MARF1: variants seen among roughly 807,000 people sequenced by gnomAD.
The protein encoded by MARF1 is meiosis regulator and mRNA stability factor 1, also known as limkain-b1.
MARF1 carries 24 observed loss-of-function variants against 168.2 expected under a neutral mutation model. The ratio of observed to expected loss-of-function variants is 0.14; its 90% CI spans 0.10 to 0.20. The LOEUF is 0.20. Among genes scored for constraint, MARF1 ranks in the 10% least tolerant of loss-of-function variants. The pLI, the probability that MARF1 is intolerant of heterozygous loss-of-function variation, is 1.00. For synonymous variants in MARF1, 868 were observed against 822.4 expected, an observed-to-expected ratio of 1.06 and a Z score of -0.95; for missense variants, 1,744 against 2,143.6, an observed-to-expected ratio of 0.81 and a Z score of 3.68.
chr16:15,635,077 T>C, intron 3 of MARF1, 146 bp from the exon 4 acceptor site: 1 of 624,430 alleles, frequency 1.6e-6, no homozygotes. Flanking sequence ...AAATAATCTT[T>C]CCAAGAACCA....
At chr16:15,597,169 T>G (rs2031800554) in intron 26 of MARF1, among the ~76,000 whole-genome samples, 1 of 152,190 alleles carries the variant, frequency 6.6e-6, no homozygotes, top group South Asian at 2.1e-4. Context: ...GTTGGAAAGA[T>G]CTCTATTTTG....
chr16:15,642,258 T>C (rs1327941031), intron 1 of MARF1, among the ~76,000 whole-genome samples: 1 of 152,154 alleles, frequency 6.6e-6, no homozygotes, highest in Admixed American at 6.5e-5. Context: ...CTTTTTAGCT[T>C]ATTTTATTAT....
At chr16:15,596,992 G>A in intron 26 of MARF1, 55 bp from the exon 27 acceptor site, 2 of 1,518,648 alleles carry the variant, frequency 1.3e-6, no homozygotes, top group Non-Finnish European at 1.8e-6. Context: ...AGAAGTGTGG[G>A]TTTTCTCTTC....
chr16:15,636,397 G>T, intron 2 of MARF1, 55 bp from the exon 3 acceptor site: 2 of 1,349,604 alleles, frequency 1.5e-6, no homozygotes, highest in Non-Finnish European at 2.0e-6. Flanking sequence ...TGGTTTTTTG[G>T]TTACTCATAT....
chr16:15,604,230 G>C lies in MARF1; in HGVS notation c.4351C>G (p.Pro1451Ala). ...YESTHNTPLN[P>A]CEYGFMTLTE... ...AAGGTCATGAATCCATATTCACAGG[G>C]GTTAAGGGGAGTGTTGTGGGTACTT... The change falls in exon 22 of 27, where the codon CCC (proline) becomes GCC (alanine). Residue 1451 changes from proline (P) to alanine (A), a missense_variant. Coordinates refer to ENST00000396368, the MANE Select transcript of MARF1 (RefSeq NM_014647.4). The C allele has an allele frequency of 6.2e-7, 1 of 1,614,214 alleles. No individual in the cohort carries two copies. Among genetic ancestry groups the C allele is most frequent in the Non-Finnish European group, 8.5e-7 (1 of 1,180,040 alleles).
chr16:15,633,482 G>T, intron 5 of MARF1, 135 bp downstream of exon 5: 1 of 637,606 alleles, frequency 1.6e-6, no homozygotes, highest in Non-Finnish European at 2.6e-6. Context: ...AGGGTTCGAG[G>T]CTGCAGGGAG....
At chr16:15,598,752 G>A in intron 26 of MARF1, 102 bp downstream of exon 26, 1 of 1,143,330 alleles carries the variant, frequency 8.7e-7, no homozygotes, top group Non-Finnish European at 1.3e-6. Context: ...ACCTGAAAAG[G>A]GGTAGTCCCT....
At chr16:15,619,924 G>A (rs1023206728) in intron 13 of MARF1, among the ~76,000 whole-genome samples, 5 of 152,208 alleles carry the variant, frequency 3.3e-5, no homozygotes, top group Non-Finnish European at 2.9e-5. Flanking sequence ...AGCACTTTGG[G>A]AGGCTAAAGT....
At position 15,596,804 on chromosome 16, in the gene MARF1, G is replaced by A. The variant is rs1471293434; in HGVS notation, c.5118C>T (p.Thr1706=). 2 of 1,614,164 alleles carry A rather than the reference G, an allele frequency of 1.2e-6. No individual in the cohort carries two copies. Among genetic ancestry groups the A allele is most frequent in the African/African-American group, 1.3e-5 (1 of 75,052 alleles). The change falls in exon 27 of 27, where the codon ACC becomes ACT. Residue 1706 remains threonine (T), a synonymous_variant. Coordinates refer to ENST00000396368, the MANE Select transcript of MARF1 (RefSeq NM_014647.4). ...VPVPPCPSSE[T]SESLLSKDPV... is the part of the protein sequence containing the mutation. Reference sequence around the variant, plus strand: ...GGTCCTTGCTGAGCAGTGACTCGGAGGTTTCCGAGGAGGGGCAGGGAGGCA... The same window carrying A: ...GGTCCTTGCTGAGCAGTGACTCGGAAGTTTCCGAGGAGGGGCAGGGAGGCA...
intron 17 of MARF1, among the ~76,000 whole-genome samples, chr16:15,612,141 A>G (rs1381325239): frequency 6.6e-6 from 1 of 152,196 alleles, no homozygotes; most frequent in Non-Finnish European, 1.5e-5. Flanking sequence ...CATAGGATCC[A>G]GTGCTACACT....
At chr16:15,604,034 G>A (rs941520799) in intron 22 of MARF1, 134 bp downstream of exon 22, 6 of 690,802 alleles carry the variant, frequency 8.7e-6, no homozygotes, top group African/African-American at 3.6e-5. Context: ...CTGAGGTCTC[G>A]GCGTGTTCAT....
rs1381265322 is a variant in MARF1 at position 15,621,638 on chromosome 16, G to C, written c.2639+95C>G. 12 of 1,153,230 alleles carry C rather than the reference G, an allele frequency of 1.0e-5. No individual in the cohort carries two copies. In the Admixed American group the frequency reaches 2.4e-4, roughly 23 times the overall value. The allele number at this position is 1,153,230 out of a possible 1,614,324, so 71.4% of individuals were successfully genotyped here. ...TATTCCACATGCAATCATCACAAGG[G>C]GGTGGGAATGTGATTGAATCTATTT... On this transcript the variant is annotated intron_variant, in intron 12 of 26. Coordinates refer to ENST00000396368, the MANE Select transcript of MARF1 (RefSeq NM_014647.4).
chr16:15,603,222 G>A (rs931594479), intron 22 of MARF1, among the ~76,000 whole-genome samples: 1 of 152,312 alleles, frequency 6.6e-6, no homozygotes, highest in Non-Finnish European at 1.5e-5. Flanking sequence ...GAGCTCATTT[G>A]TTAATATCTT....
chr16:15,612,353 T>A (rs2033645056), intron 17 of MARF1, among the ~76,000 whole-genome samples: 1 of 152,202 alleles, frequency 6.6e-6, no homozygotes, highest in Admixed American at 6.5e-5. Flanking sequence ...TCCAAGGAGT[T>A]CCTCTAAAAC....
At chr16:15,622,825 T>C in intron 11 of MARF1, 109 bp downstream of exon 11, 1 of 821,048 alleles carries the variant, frequency 1.2e-6, no homozygotes, top group South Asian at 2.5e-5. Context: ...TCAAACTTGT[T>C]CAGTCACACT....
chr16:15,616,535 C>T (rs2034059111), intron 15 of MARF1, among the ~76,000 whole-genome samples: 1 of 152,184 alleles, frequency 6.6e-6, no homozygotes, highest in African/African-American at 2.4e-5. Context: ...AGCGCAAACA[C>T]ACATTTTCTT....
chr16:15,596,669 C>A lies in MARF1; in HGVS notation c.*24G>T. 6.4e-7 allele frequency: 1 copy of A among 1,552,096 alleles called. No individual in the cohort carries two copies. The highest frequency in any genetic ancestry group is 1.2e-5 in the South Asian group (1 of 82,508). On this transcript the variant is annotated 3_prime_UTR_variant, in exon 27 of 27. Coordinates refer to ENST00000396368, the MANE Select transcript of MARF1 (RefSeq NM_014647.4). ...CAGAATCAGACAGTGTTTTCCCATC[C>A]TAATTCTATATTCCAAATGGGAGTT...
intron 1 of MARF1, 56 bp from the exon 2 acceptor site, chr16:15,639,347 C>T (rs2035798978): frequency 8.6e-7 from 1 of 1,168,388 alleles, no homozygotes; most frequent in South Asian, 1.5e-5. Flanking sequence ...ACAAATTTTA[C>T]AACATACTAA....
chr16:15,625,085 T>C lies in MARF1; in HGVS notation c.2042A>G (p.Asn681Ser). The change falls in exon 9 of 27, where the codon AAC (asparagine) becomes AGC (serine). Residue 681 changes from asparagine to serine, a missense_variant. By Grantham distance (46) the Asn-to-Ser change is conservative. Coordinates refer to ENST00000396368, the MANE Select transcript of MARF1 (RefSeq NM_014647.4). ...CGGCGTCGACACTGCAGCACTTGAG[T>C]TACCGTGAGTGGGTACGACCAGCCT... is the stretch of plus-strand genomic sequence containing the variant. ...HLRLVVPTHG[N>S]SSAAVSTPKN... The C allele has an allele frequency of 2.5e-6, 4 of 1,614,178 alleles. No homozygotes were observed. Among genetic ancestry groups the C allele is most frequent in the Non-Finnish European group, 3.4e-6 (4 of 1,180,032 alleles).
Sources: gnomAD v4.1 joint callset for allele counts (sites outside exome capture counted in the v4.1 genomes callset) on GRCh38, gnomAD v4.1.1 for gene constraint, MANE v1.5 for transcripts, NCBI Gene and HGNC (gene_info 2026-07-23, HGNC 2026-07-21) for gene names.